POLR1D: variants seen among roughly 807,000 people sequenced by gnomAD.
POLR1D encodes DNA-directed RNA polymerases I and III subunit RPAC2.
POLR1D carries 8 observed loss-of-function variants against 10.8 expected under a neutral mutation model. That is an observed-to-expected ratio of 0.74 (90% CI 0.43 to 1.33). POLR1D has a LOEUF of 1.33. Among genes scored for constraint, POLR1D ranks in the 40% most tolerant of loss-of-function variants. The pLI, the probability that POLR1D is intolerant of heterozygous loss-of-function variation, is 0.01. For missense variants in POLR1D, 152 were observed against 161.7 expected (o/e 0.94, Z 0.32); for synonymous variants, 54 against 57.2 (o/e 0.94, Z 0.25).
At chr13:27,625,649 A>G (rs191801671), downstream of POLR1D, among the ~76,000 whole-genome samples, 59 of 151,698 alleles carry the variant, frequency 3.9e-4, no homozygotes, top group Middle Eastern at 6.8e-3. Flanking sequence ...TAAAGATGAC[A>G]TAAATTGATT....
intron 1 of POLR1D, among the ~76,000 whole-genome samples, chr13:27,646,648 T>A (rs1956223197): frequency 6.6e-6 from 1 of 152,196 alleles, no homozygotes; most frequent in Non-Finnish European, 1.5e-5. Flanking sequence ...AAGATCTCAA[T>A]AAGAGTTTAT....
intron 1 of POLR1D, chr13:27,648,328 C>A: frequency 1.7e-6 from 2 of 1,190,376 alleles, no homozygotes; most frequent in Non-Finnish European, 2.5e-6. Context: ...AATTGATTTT[C>A]AGAACTTAGT....
chr13:27,639,598 T>C (rs1956156868), intron 1 of POLR1D, among the ~76,000 whole-genome samples: 1 of 152,244 alleles, frequency 6.6e-6, no homozygotes, highest in Non-Finnish European at 1.5e-5. Flanking sequence ...AAATACTTGC[T>C]GCTTTGAAAA....
intron 1 of POLR1D, chr13:27,622,298 G>A (rs1955948217): frequency 5.5e-6 from 3 of 545,494 alleles, no homozygotes; most frequent in African/African-American, 1.9e-5. Context: ...TGCTCCTGAG[G>A]ACGGTACTCG....
chr13:27,621,469 G>A (rs1955917242), upstream of POLR1D: 1 of 152,332 alleles, frequency 6.6e-6, no homozygotes, highest in Non-Finnish European at 1.5e-5. Flanking sequence ...TAAGCCTGTC[G>A]TCCCACAAAA....
At chr13:27,628,561 T>C (rs1956040692) in intron 1 of POLR1D, among the ~76,000 whole-genome samples, 1 of 152,212 alleles carries the variant, frequency 6.6e-6, no homozygotes, top group Non-Finnish European at 1.5e-5. Context: ...TTTAAAAACC[T>C]GAGCTTAGAT....
intron 2 of POLR1D, among the ~76,000 whole-genome samples, chr13:27,664,147 C>T (rs893703176): frequency 6.6e-6 from 1 of 152,208 alleles, no homozygotes; most frequent in South Asian, 2.1e-4. Context: ...CCTCTCATCA[C>T]GTGCCTGTCT....
At chr13:27,653,227 A>G (rs904645147) in intron 2 of POLR1D, among the ~76,000 whole-genome samples, 1 of 151,914 alleles carries the variant, frequency 6.6e-6, no homozygotes, top group African/African-American at 2.4e-5. Context: ...CATGTACCCC[A>G]TTGGCCAGAA....
chr13:27,641,119 T>C (rs182934609), intron 1 of POLR1D, among the ~76,000 whole-genome samples: 2 of 152,344 alleles, frequency 1.3e-5, no homozygotes, highest in Non-Finnish European at 2.9e-5. Flanking sequence ...AGAGGGCCGA[T>C]TGTACACTCT....
chr13:27,644,576 G>A (rs1334770585), intron 1 of POLR1D, among the ~76,000 whole-genome samples: 6 of 152,164 alleles, frequency 3.9e-5, no homozygotes, highest in East Asian at 1.9e-4. Flanking sequence ...CCAGAAAACC[G>A]TCTGCTTAAT....
chr13:27,620,898 A>G (rs556906809), upstream of POLR1D: 1 of 150,628 alleles, frequency 6.6e-6, no homozygotes, highest in African/African-American at 2.4e-5. Flanking sequence ...ATCCAGAGGA[A>G]TCGCGGGGCG....
chr13:27,667,269 T>G (rs1275731987), exon 3 of POLR1D: 1 of 152,238 alleles, frequency 6.6e-6, no homozygotes, highest in East Asian at 1.9e-4. Context: ...TTCATCTGAC[T>G]TTATTCAAAT....
At chr13:27,640,597 G>C (rs503699) in intron 1 of POLR1D, among the ~76,000 whole-genome samples, 43,979 of 152,000 alleles carry the variant, frequency 0.29, 7,791 homozygotes, top group Admixed American at 0.42. Context: ...TACCGTACTT[G>C]AAACAGCTGC....
At chr13:27,652,067 A>T (rs746419611) in intron 2 of POLR1D, among the ~76,000 whole-genome samples, 1 of 152,230 alleles carries the variant, frequency 6.6e-6, no homozygotes, top group Non-Finnish European at 1.5e-5. Flanking sequence ...ATAAGGCTGT[A>T]CCTTCATCAG....
chr13:27,643,632 A>C (rs1956195286), intron 1 of POLR1D, among the ~76,000 whole-genome samples: 1 of 152,196 alleles, frequency 6.6e-6, no homozygotes, highest in South Asian at 2.1e-4. Context: ...ATGACCTGAC[A>C]TCAAAACTTT....
At chr13:27,622,702 A>G (rs1198069813) in intron 1 of POLR1D, 173 bp from the exon 2 acceptor site, 4 of 600,788 alleles carry the variant, frequency 6.7e-6, no homozygotes, top group South Asian at 2.1e-5. Context: ...GAGGCAATAA[A>G]TTAAATATTT....
At chr13:27,621,838 G>A (rs1593273827), upstream of POLR1D, 2 of 808,176 alleles carry the variant, frequency 2.5e-6, no homozygotes, top group Non-Finnish European at 4.1e-6. Flanking sequence ...GCCCTGCCGC[G>A]CCGCTGCGGC....
chr13:27,633,833 G>A (rs1232035633), intron 1 of POLR1D, among the ~76,000 whole-genome samples: 1 of 152,158 alleles, frequency 6.6e-6, no homozygotes, highest in Non-Finnish European at 1.5e-5. Context: ...TTAAACATAA[G>A]TCCCGGAGCT....
chr13:27,626,298 G>A (rs751409291), downstream of POLR1D, among the ~76,000 whole-genome samples: 22 of 152,318 alleles, frequency 1.4e-4, no homozygotes, highest in Non-Finnish European at 1.8e-4. Flanking sequence ...AGTAGATGAA[G>A]TACAGTGGGA....
Sources: gnomAD v4.1 joint callset for allele counts (sites outside exome capture counted in the v4.1 genomes callset) on GRCh38, gnomAD v4.1.1 for gene constraint, MANE v1.5 for transcripts, NCBI Gene and HGNC (gene_info 2026-07-23, HGNC 2026-07-21) for gene names.